SPAG16: variants seen among roughly 807,000 people sequenced by gnomAD.
SPAG16 encodes sperm associated antigen 16.
In SPAG16, 86 loss-of-function variants were observed where a neutral mutation model predicts 80.4. The observed-to-expected ratio is 1.07, with a 90% CI of 0.90 to 1.28. The LOEUF (loss-of-function observed/expected upper bound fraction) is 1.28, where lower values mean the gene tolerates loss of function less well. Among genes scored for constraint, SPAG16 ranks in the 50% most tolerant of loss-of-function variants. The pLI, the probability that SPAG16 is intolerant of heterozygous loss-of-function variation, is 0.00. For synonymous variants in SPAG16, 294 were observed against 265.9 expected (o/e 1.11, Z -1.03); for missense variants, 870 against 765.3 (o/e 1.14, Z -1.61).
At chr2:213,431,319 G>T (rs1400210667) in intron 9 of SPAG16, among the ~76,000 whole-genome samples, 4 of 151,662 alleles carry the variant, frequency 2.6e-5, no homozygotes, top group South Asian at 2.1e-4. Context: ...GAATGTAAAT[G>T]GATTAAATTC....
intron 15 of SPAG16, among the ~76,000 whole-genome samples, chr2:214,346,845 A>G (rs1344669790): frequency 1.3e-5 from 2 of 152,214 alleles, no homozygotes; most frequent in African/African-American, 2.4e-5. Flanking sequence ...TCTCCAAATG[A>G]AACTACTGAA....
At chr2:213,434,401 T>G (rs906065445) in intron 9 of SPAG16, among the ~76,000 whole-genome samples, 2 of 152,198 alleles carry the variant, frequency 1.3e-5, no homozygotes, top group Non-Finnish European at 2.9e-5. Flanking sequence ...TTCTGGACAT[T>G]GATTTACGCA....
chr2:213,383,279 A>G (rs1200595481), intron 9 of SPAG16, among the ~76,000 whole-genome samples: 1 of 152,162 alleles, frequency 6.6e-6, no homozygotes, highest in Non-Finnish European at 1.5e-5. Flanking sequence ...TATTATTCCT[A>G]TTATTATAGA....
intron 12 of SPAG16, among the ~76,000 whole-genome samples, chr2:213,991,765 G>C (rs1170930270): frequency 6.6e-6 from 1 of 152,100 alleles, no homozygotes; most frequent in Non-Finnish European, 1.5e-5. Context: ...TCTTTACCAA[G>C]CAACACACTG....
chr2:213,565,221 G>T (rs2059721144), intron 10 of SPAG16, among the ~76,000 whole-genome samples: 1 of 152,012 alleles, frequency 6.6e-6, no homozygotes, highest in African/African-American at 2.4e-5. Flanking sequence ...ATTCCACAAG[G>T]AATATATATT....
intron 15 of SPAG16, among the ~76,000 whole-genome samples, chr2:214,256,423 G>A (rs960046449): frequency 2.6e-5 from 4 of 151,850 alleles, no homozygotes; most frequent in African/African-American, 9.6e-5. Context: ...TTCTTTTACG[G>A]TTAGTGCCTC....
intron 13 of SPAG16, among the ~76,000 whole-genome samples, chr2:214,056,223 T>C (rs1181095097): frequency 6.6e-6 from 1 of 151,548 alleles, no homozygotes; most frequent in Non-Finnish European, 1.5e-5. Flanking sequence ...CATCCTTTAT[T>C]CAAGCCTGGT....
At chr2:214,331,888 C>T (rs574703378) in intron 15 of SPAG16, among the ~76,000 whole-genome samples, 1 of 152,298 alleles carries the variant, frequency 6.6e-6, no homozygotes, top group Non-Finnish European at 1.5e-5. Context: ...AATGCAGACC[C>T]ATACCTGGAA....
At chr2:213,671,152 A>T (rs571210938) in intron 10 of SPAG16, among the ~76,000 whole-genome samples, 1 of 152,352 alleles carries the variant, frequency 6.6e-6, no homozygotes, top group East Asian at 1.9e-4. Flanking sequence ...TCATTTTAAC[A>T]TACTAGAAAA....
intron 10 of SPAG16, among the ~76,000 whole-genome samples, chr2:213,783,214 A>G (rs1426686846): frequency 2.0e-5 from 3 of 151,556 alleles, no homozygotes; most frequent in Non-Finnish European, 4.4e-5. Flanking sequence ...ATGTCCCTAC[A>G]AAGGACATGA....
intron 15 of SPAG16, among the ~76,000 whole-genome samples, chr2:214,173,146 G>T (rs1309010007): frequency 1.3e-5 from 2 of 151,956 alleles, no homozygotes; most frequent in African/African-American, 4.8e-5. Flanking sequence ...CGTTGCTTTT[G>T]GTGTTTTAGA....
chr2:214,139,538 C>G (rs1394342602), intron 14 of SPAG16, among the ~76,000 whole-genome samples: 2 of 151,974 alleles, frequency 1.3e-5, no homozygotes, highest in Non-Finnish European at 2.9e-5. Context: ...AGAGCGTCTT[C>G]AATTTAATTC....
At chr2:213,451,971 C>T (rs1430756973) in intron 9 of SPAG16, among the ~76,000 whole-genome samples, 3 of 150,322 alleles carry the variant, frequency 2.0e-5, no homozygotes, top group Non-Finnish European at 4.4e-5. Flanking sequence ...TCCCTCCACT[C>T]CCGCGCTTCC....
intron 12 of SPAG16, among the ~76,000 whole-genome samples, chr2:213,985,770 A>G (rs1164639843): frequency 3.3e-5 from 5 of 152,084 alleles, no homozygotes; most frequent in Non-Finnish European, 7.4e-5. Context: ...CTCCTAATCA[A>G]TTCTATCATA....
chr2:213,601,824 A>G (rs1428521583), intron 10 of SPAG16, among the ~76,000 whole-genome samples: 2 of 152,232 alleles, frequency 1.3e-5, no homozygotes, highest in Admixed American at 6.5e-5. Context: ...ACAATAGGCT[A>G]TACCATATAC....
intron 11 of SPAG16, among the ~76,000 whole-genome samples, chr2:213,869,150 G>A (rs908582051): frequency 1.3e-5 from 2 of 150,776 alleles, no homozygotes; most frequent in Admixed American, 1.3e-4. Context: ...CTACTCGGGA[G>A]GCTGAGACAG....
intron 10 of SPAG16, among the ~76,000 whole-genome samples, chr2:213,673,282 T>G (rs924541287): frequency 6.6e-6 from 1 of 152,150 alleles, no homozygotes; most frequent in Admixed American, 6.6e-5. Context: ...AAATAAAACA[T>G]CTAAAAAATG....
Position 213,955,782 on chromosome 2 carries a change from A to C in SPAG16, c.1400+25637A>C, listed in dbSNP as rs572985317. On this transcript the variant is annotated intron_variant, in intron 12 of 15. Coordinates refer to ENST00000331683, the MANE Select transcript of SPAG16 (RefSeq NM_024532.5). ...ACACTATCCAATACATTGGCATATAATTATTCACACTACTTTTTTATAATC... is the reference window on the plus strand; with the variant it reads ...ACACTATCCAATACATTGGCATATACTTATTCACACTACTTTTTTATAATC... Among the ~76,000 whole-genome samples, 18 of 152,160 alleles carry C rather than the reference A, an allele frequency of 1.2e-4. 1 individual carries two copies. The South Asian group carries it at 3.1e-3, about 26-fold the overall frequency.
chr2:213,483,365 A>G (rs1373137997), intron 9 of SPAG16, among the ~76,000 whole-genome samples: 2 of 152,242 alleles, frequency 1.3e-5, no homozygotes, highest in African/African-American at 2.4e-5. Flanking sequence ...CATAATTGAT[A>G]CATATTGCCA....
Sources: allele counts gnomAD v4.1 joint callset (sites outside exome capture counted in the v4.1 genomes callset), GRCh38; gene constraint gnomAD v4.1.1; transcripts MANE v1.5; gene names NCBI Gene and HGNC (gene_info 2026-07-23, HGNC 2026-07-21).